The following UBQLN4 variants were observed in gnomAD, a reference collection of about 807,000 sequenced individuals.
UBQLN4 encodes ubiquilin 4.
UBQLN4 carries 11 observed loss-of-function variants against 60.4 expected under a neutral mutation model. The observed-to-expected ratio is 0.18, with a 90% confidence interval of 0.11 to 0.30. UBQLN4 has a LOEUF of 0.30. UBQLN4 is among the 10% of genes least tolerant of loss of function. The probability of loss-of-function intolerance (pLI) is 1.00; values close to 1 mark genes in which losing one functional copy is unlikely to be tolerated. For missense variants in UBQLN4, 417 were observed against 795.5 expected (o/e 0.52, Z 5.72); for synonymous variants, 258 against 313.1 (o/e 0.82, Z 1.86).
At chr1:156,047,518 C>T (rs1260055715) in intron 5 of UBQLN4, among the ~76,000 whole-genome samples, 1 of 151,628 alleles carries the variant, frequency 6.6e-6, no homozygotes, top group Non-Finnish European at 1.5e-5. Context: ...GCTGGGATTA[C>T]AGGTGTCAGC....
chr1:156,031,670 C>T (rs1683299472), downstream of UBQLN4, among the ~76,000 whole-genome samples: 1 of 151,672 alleles, frequency 6.6e-6, no homozygotes, highest in African/African-American at 2.4e-5. Context: ...CCTCCGCCTC[C>T]CGGGTTCAAG....
chr1:156,042,764 G>A lies in UBQLN4; in HGVS notation c.1266+10C>T. On this transcript the variant is annotated intron_variant, in intron 7 of 10. Coordinates refer to ENST00000368309, the MANE Select transcript of UBQLN4 (RefSeq NM_020131.5). The stretch of plus-strand genomic sequence containing the variant: ...TCCCCAACAATACTCTCCTCATGCT[G>A]GTTTCATACCTGAGCAGCAAAGTCG... 3 of 1,613,398 alleles carry A rather than the reference G, an allele frequency of 1.9e-6. No homozygotes were observed. Among genetic ancestry groups the A allele is most frequent in the Non-Finnish European group, 2.5e-6 (3 of 1,179,816 alleles).
intron 5 of UBQLN4, among the ~76,000 whole-genome samples, chr1:156,047,074 T>C (rs1019893561): frequency 6.6e-6 from 1 of 152,028 alleles, no homozygotes; most frequent in African/African-American, 2.4e-5. Flanking sequence ...ATATTAAATA[T>C]GTCTAGGAAA....
At chr1:156,043,469 G>T (rs887719286) in intron 6 of UBQLN4, among the ~76,000 whole-genome samples, 1 of 152,130 alleles carries the variant, frequency 6.6e-6, no homozygotes, top group African/African-American at 2.4e-5. Flanking sequence ...AAAACACACA[G>T]AGGGAAGGAA....
intron 10 of UBQLN4, 26 bp from the exon 11 acceptor site, chr1:156,037,156 G>A (rs778677043): frequency 2.5e-6 from 4 of 1,610,976 alleles, no homozygotes; most frequent in Middle Eastern, 1.7e-4. Flanking sequence ...CTTGTGAAGT[G>A]GGCACAGGAC....
Position 156,050,417 on chromosome 1 carries a change from G to T in UBQLN4, c.615C>A (p.Val205=). 6.2e-7 allele frequency: 1 copy of T among 1,614,072 alleles called. No homozygotes were observed. The highest frequency in any genetic ancestry group is 8.5e-7 in the Non-Finnish European group (1 of 1,180,034). The change falls in exon 4 of 11, where the codon GTC becomes GTA. Residue 205 remains valine (V), a synonymous_variant. Coordinates refer to ENST00000368309, the MANE Select transcript of UBQLN4 (RefSeq NM_020131.5). This position sits in a 1 kb window ranked among gnomAD's most constrained non-coding sequence, Gnocchi z 4.6. ...MLSQIMENPL[V]QDMMSNPDLM... Reference sequence around the variant, plus strand: ...GATCAGGGTTAGACATCATATCCTGGACCAGGGGGTTCTCCATGATCTGTG... The same window carrying T: ...GATCAGGGTTAGACATCATATCCTGTACCAGGGGGTTCTCCATGATCTGTG...
Position 156,036,881 on chromosome 1 carries a change from G to C in UBQLN4, c.*97C>G. 1 of 1,544,170 alleles carries C rather than the reference G, an allele frequency of 6.5e-7. No homozygotes were observed. The highest frequency in any genetic ancestry group is 8.7e-7 in the Non-Finnish European group (1 of 1,146,862). On this transcript the variant is annotated 3_prime_UTR_variant, in exon 11 of 11. Coordinates refer to ENST00000368309, the MANE Select transcript of UBQLN4 (RefSeq NM_020131.5). ...GCTGTTTGGAAAGGATGAGGGAGAA[G>C]ACGGAAGGGAGGACAAGCTGCAGAG... is the stretch of plus-strand genomic sequence containing the variant.
At chr1:156,041,005 G>A (rs1683548013) in intron 10 of UBQLN4, among the ~76,000 whole-genome samples, 1 of 152,146 alleles carries the variant, frequency 6.6e-6, no homozygotes, top group African/African-American at 2.4e-5. Flanking sequence ...TCAGAGATGG[G>A]GGCTGCTTTA....
In UBQLN4 at chr1:156,035,351, G is replaced by A. The variant is rs1304290064; in HGVS notation, c.*1627C>T. ...TTACAAAGGCCAGTGTGGGAGCTGG[G>A]GGAGGCAGGGAGGGAAAGCCACACA... is the stretch of plus-strand genomic sequence containing the variant. On this transcript the variant is annotated 3_prime_UTR_variant, in exon 11 of 11. Coordinates refer to ENST00000368309, the MANE Select transcript of UBQLN4 (RefSeq NM_020131.5). The A allele has an allele frequency of 1.0e-6, 1 of 985,252 alleles. No homozygotes were observed. Among genetic ancestry groups the A allele is most frequent in the East Asian group, 1.1e-4 (1 of 8,938 alleles). The allele number at this position is 985,252 out of a possible 1,614,324, so 61.0% of individuals were successfully genotyped here.
At chr1:156,033,682 A>AGT (rs1683333050), downstream of UBQLN4, among the ~76,000 whole-genome samples, 1 of 152,084 alleles carries the variant, frequency 6.6e-6, no homozygotes, top group Admixed American at 6.6e-5. Flanking sequence ...ATCTCTACTA[A>AGT]AAACACAAAA....
Position 156,040,441 on chromosome 1 carries a change from A to ATT in UBQLN4, c.1653+1042_1653+1043dup, listed in dbSNP as rs112995184. ...TGTTGCTTCTTATCACAGTCCACAC[A>ATT]TTTTTTTTTTTTTTTTTTTTTTGAG... On this transcript the variant is annotated intron_variant, in intron 10 of 10. Coordinates refer to ENST00000368309, the MANE Select transcript of UBQLN4 (RefSeq NM_020131.5). Among the ~76,000 whole-genome samples the ATT allele has an allele frequency of 3.4e-3, 372 of 108,952 alleles. 9 individuals are homozygous for ATT. The highest frequency in any genetic ancestry group is 0.012 in the East Asian group (37 of 3,106). The allele number at this position is 108,952 out of a possible 152,430, so 71.5% of individuals were successfully genotyped here. A position where few individuals can be genotyped will look rare whatever the true frequency, so the allele number is the denominator to read the frequency against.
At chr1:156,031,573 T>A (rs2102732861), downstream of UBQLN4, among the ~76,000 whole-genome samples, 1 of 138,636 alleles carries the variant, frequency 7.2e-6, no homozygotes, top group South Asian at 2.4e-4. Context: ...TATAGGAACT[T>A]CTTCTTTTTT....
At chr1:156,033,331 A>G, downstream of UBQLN4, 2 of 974,360 alleles carry the variant, frequency 2.1e-6, no homozygotes, top group Non-Finnish European at 2.4e-6. Flanking sequence ...AATAAAGCAC[A>G]TTTTATTTTT....
chr1:156,046,581 A>T (rs1453315355), intron 5 of UBQLN4, among the ~76,000 whole-genome samples: 4 of 148,456 alleles, frequency 2.7e-5, no homozygotes, highest in Non-Finnish European at 6.0e-5. Context: ...AGTGGCTCAC[A>T]CCTGTAATCC....
chr1:156,032,069 T>C (rs893733751), downstream of UBQLN4, among the ~76,000 whole-genome samples: 21 of 149,416 alleles, frequency 1.4e-4, no homozygotes, highest in Non-Finnish European at 3.1e-4. Flanking sequence ...CAAAATGAGT[T>C]TTTTTTTTGA....
At chr1:156,031,420 G>GTTC (rs1397674456), downstream of UBQLN4, among the ~76,000 whole-genome samples, 11 of 152,138 alleles carry the variant, frequency 7.2e-5, no homozygotes, top group East Asian at 2.1e-3. Context: ...GACCGCATAA[G>GTTC]TAGAAAGCAA....
chr1:156,045,056 GAGCTCT>G (rs1683662877), intron 5 of UBQLN4, among the ~76,000 whole-genome samples: 1 of 152,150 alleles, frequency 6.6e-6, no homozygotes, highest in Non-Finnish European at 1.5e-5. Flanking sequence ...ACCTAGCACA[GAGCTCT>G]GGCTGAGGGA....
At chr1:156,052,994 T>A (rs1466504787) in intron 1 of UBQLN4, among the ~76,000 whole-genome samples, 4 of 152,168 alleles carry the variant, frequency 2.6e-5, no homozygotes, top group Non-Finnish European at 5.9e-5. Flanking sequence ...AAGCCCCGCC[T>A]ATGTGAAATT....
At chr1:156,043,039 T>G in intron 6 of UBQLN4, 126 bp from the exon 7 acceptor site, 2 of 1,297,788 alleles carry the variant, frequency 1.5e-6, no homozygotes, top group Non-Finnish European at 2.1e-6. Context: ...AATGGTCCAG[T>G]GGGCACCCTA....
Sources: gnomAD v4.1 joint callset for allele counts (sites outside exome capture counted in the v4.1 genomes callset) on GRCh38, gnomAD v4.1.1 for gene constraint, Gnocchi (gnomAD v3.1) non-coding constraint, MANE v1.5 for transcripts, NCBI Gene and HGNC (gene_info 2026-07-23, HGNC 2026-07-21) for gene names.